GNB5: variants seen among roughly 807,000 people sequenced by gnomAD.
The protein encoded by GNB5 is G protein subunit beta 5, also known as guanine nucleotide-binding protein subunit beta-5.
In GNB5, 37 loss-of-function variants were observed where a neutral mutation model predicts 55.3. That is an observed-to-expected ratio of 0.67 (90% confidence interval 0.51 to 0.88). The LOEUF is 0.88. Among genes scored for constraint, GNB5 ranks in the 40% least tolerant of loss-of-function variants. GNB5 has a pLI of 0.00. For synonymous variants in GNB5, 219 were observed against 198.5 expected, an observed-to-expected ratio of 1.10 and a Z score of -0.87; for missense variants, 476 against 515.3, an observed-to-expected ratio of 0.92 and a Z score of 0.74.
chr15:52,131,699 T>C (rs74015611), intron 9 of GNB5, among the ~76,000 whole-genome samples: 1 of 152,200 alleles, frequency 6.6e-6, no homozygotes, highest in East Asian at 1.9e-4. Flanking sequence ...TTATCCCACA[T>C]TTGAGGGCAA....
chr15:52,140,589 G>C (rs1222291449), intron 7 of GNB5, among the ~76,000 whole-genome samples: 1 of 152,238 alleles, frequency 6.6e-6, no homozygotes, highest in African/African-American at 2.4e-5. Flanking sequence ...TACTGAGAAG[G>C]TTTGCTGAAT....
At chr15:52,125,482 A>G (rs1365352772) in intron 11 of GNB5, 1 of 153,138 alleles carries the variant, frequency 6.5e-6, no homozygotes, top group Non-Finnish European at 1.5e-5. Context: ...AGGTTTCACC[A>G]TGTTGGCCAG....
chr15:52,188,213 A>G (rs2034872751), intron 1 of GNB5, among the ~76,000 whole-genome samples: 1 of 152,154 alleles, frequency 6.6e-6, no homozygotes. Flanking sequence ...GGAGACTCCA[A>G]TTTTTGAGTC....
At chr15:52,185,996 C>A (rs1180046053) in intron 1 of GNB5, among the ~76,000 whole-genome samples, 1 of 152,142 alleles carries the variant, frequency 6.6e-6, no homozygotes, top group Non-Finnish European at 1.5e-5. Context: ...CCAGGCTGGT[C>A]TCAAACTCCT....
intron 4 of GNB5, among the ~76,000 whole-genome samples, chr15:52,153,075 C>T (rs561918817): frequency 6.6e-6 from 1 of 152,360 alleles, no homozygotes; most frequent in South Asian, 2.1e-4. Context: ...TTTCTATAGT[C>T]TCTTTCCTCT....
At chr15:52,185,752 TTTTATTATTATTATTATTA>T (rs1280355281) in intron 1 of GNB5, among the ~76,000 whole-genome samples, 1 of 94,424 alleles carries the variant, frequency 1.1e-5, no homozygotes, top group South Asian at 3.6e-4. Context: ...GTATTCATCT[TTTTATTATTATTATTATTA>T]TTATTATTAT....
In GNB5 at chr15:52,115,590, T is replaced by C. The variant is rs998353401; in HGVS notation, c.*7167A>G. On this transcript the variant is annotated 3_prime_UTR_variant, in exon 13 of 13. Coordinates refer to ENST00000261837, the MANE Select transcript of GNB5 (RefSeq NM_016194.4). ...CGGTGACTATGCTCACTTGCCCCAT[T>C]ATCAGCCAAAACCAAAATGTGACAA... 2 of 152,266 alleles carry C rather than the reference T, an allele frequency of 1.3e-5. No homozygotes were observed. Among genetic ancestry groups the C allele is most frequent in the Non-Finnish European group, 2.9e-5 (2 of 68,048 alleles). The allele number at this position is 152,266 out of a possible 1,614,324, so 9.4% of individuals were successfully genotyped here. A position where few individuals can be genotyped will look rare whatever the true frequency, so the allele number is the denominator to read the frequency against.
intron 3 of GNB5, among the ~76,000 whole-genome samples, chr15:52,177,859 A>T (rs927085703): frequency 6.6e-6 from 1 of 152,110 alleles, no homozygotes; most frequent in South Asian, 2.1e-4. Flanking sequence ...CCAGCTCACA[A>T]ATTCTGACAT....
chr15:52,141,673 T>G (rs991377760), intron 6 of GNB5, among the ~76,000 whole-genome samples: 2 of 152,198 alleles, frequency 1.3e-5, no homozygotes, highest in African/African-American at 4.8e-5. Context: ...ACTTAACATT[T>G]TGTCATATCT....
rs887820459 is a variant in GNB5, at chr15:52,133,293, T to C, written c.863+85A>G. The stretch of plus-strand genomic sequence containing the variant: ...CTCTCTCAGCCAAGTAAACTGAGTC[T>C]GGAGGCGGTTCCTGGGCTAAGGATT... On this transcript the variant is annotated intron_variant, in intron 9 of 12. Coordinates refer to ENST00000261837, the MANE Select transcript of GNB5 (RefSeq NM_016194.4). The C allele has an allele frequency of 7.9e-6, 7 of 884,802 alleles. No individual in the cohort carries two copies. The African/African-American group carries it at 1.2e-4, about 15-fold the overall frequency. 54.8% of individuals were successfully genotyped at this position (884,802 alleles called of 1,614,324 possible).
chr15:52,140,026 C>A, intron 7 of GNB5: 1 of 1,117,520 alleles, frequency 8.9e-7, no homozygotes, highest in South Asian at 1.7e-5. Context: ...ACAGCGCCCC[C>A]TGGTGAACAA....
chr15:52,128,500 C>A (rs1004238022), intron 9 of GNB5: 2 of 621,506 alleles, frequency 3.2e-6, no homozygotes, highest in Non-Finnish European at 5.9e-6. Context: ...CAGAGTAGAC[C>A]CCCTATAAAT....
intron 2 of GNB5, among the ~76,000 whole-genome samples, chr15:52,181,680 A>G (rs2034773462): frequency 6.6e-6 from 1 of 152,158 alleles, no homozygotes; most frequent in South Asian, 2.1e-4. Flanking sequence ...ACTTTAGCAG[A>G]CTTCTCCGTA....
rs1216272462 is a variant in GNB5, at chr15:52,132,636, A to ATTTTTTTTTTTTTTTTTTTT, written c.863+741_863+742insAAAAAAAAAAAAAAAAAAAA. On this transcript the variant is annotated intron_variant, in intron 9 of 12. Coordinates refer to ENST00000261837, the MANE Select transcript of GNB5 (RefSeq NM_016194.4). ...CTCCACACATCACCATGCCCTGCTA[A>ATTTTTTTTTTTTTTTTTTTT]TTTTTTTTTTTTTTTTGGTAGAGAC... 1.5e-5 allele frequency among the ~76,000 whole-genome samples: 2 copies of ATTTTTTTTTTTTTTTTTTTT among 134,802 alleles called. 1 individual carries two copies. The allele number at this position is 134,802 out of a possible 152,430, so 88.4% of individuals were successfully genotyped here.
In GNB5 at chr15:52,137,626, T is replaced by C. The variant is rs549259139; in HGVS notation, c.628-1870A>G. ...ACACAGGGGTGCCCAGGGAAAGACATGGGGACAGGGCTGGAATTTTACTTT... is the reference window on the plus strand; with the variant it reads ...ACACAGGGGTGCCCAGGGAAAGACACGGGGACAGGGCTGGAATTTTACTTT... On this transcript the variant is annotated intron_variant, in intron 7 of 12. Coordinates refer to ENST00000261837, the MANE Select transcript of GNB5 (RefSeq NM_016194.4). The C allele has an allele frequency of 4.1e-5, 46 of 1,127,362 alleles. 1 individual carries two copies. In the African/African-American group the frequency reaches 7.5e-4, roughly 18 times the overall value. 69.8% of individuals were successfully genotyped at this position (1,127,362 alleles called of 1,614,324 possible).
chr15:52,183,492 C>T (rs1028562042), intron 2 of GNB5, among the ~76,000 whole-genome samples: 6 of 152,194 alleles, frequency 3.9e-5, no homozygotes, highest in African/African-American at 1.4e-4. Context: ...AATTGCTATG[C>T]TGTATCAAAG....
intron 6 of GNB5, chr15:52,147,110 TGTAAC>T (rs1340591196): frequency 4.5e-6 from 1 of 222,460 alleles, no homozygotes; most frequent in Non-Finnish European, 9.0e-6. Context: ...AGGTTTGAAA[TGTAAC>T]TACTGTCAGT....
chr15:52,150,388 A>T (rs1172336395), intron 4 of GNB5, among the ~76,000 whole-genome samples: 2 of 152,114 alleles, frequency 1.3e-5, no homozygotes, highest in African/African-American at 4.8e-5. Flanking sequence ...TTTGGAGTCC[A>T]TGGTCCCTGC....
At chr15:52,190,775 C>T (rs1158051444) in intron 1 of GNB5, among the ~76,000 whole-genome samples, 1 of 72,832 alleles carries the variant, frequency 1.4e-5, no homozygotes, top group Non-Finnish European at 2.5e-5. Flanking sequence ...ATGCTTATTT[C>T]CTTAAAAAAA....
Sources: allele counts gnomAD v4.1 joint callset (sites outside exome capture counted in the v4.1 genomes callset), GRCh38; gene constraint gnomAD v4.1.1; transcripts MANE v1.5; gene names NCBI Gene and HGNC (gene_info 2026-07-23, HGNC 2026-07-21).